The following MIGA1 variants were observed in gnomAD, a reference collection of about 807,000 sequenced individuals.
The protein encoded by MIGA1 is family with sequence similarity 73, member A.
A neutral mutation model predicts 82.0 loss-of-function variants in MIGA1; 58 were observed. That is an observed-to-expected ratio of 0.71 (90% CI 0.57 to 0.88). The LOEUF is 0.88. MIGA1 is among the 40% of genes least tolerant of loss of function. MIGA1 has a pLI of 0.00. For missense variants in MIGA1, 751 were observed against 749.1 expected (o/e 1.00, Z -0.03); for synonymous variants, 249 against 253.6 (o/e 0.98, Z 0.17).
intron 5 of MIGA1, 33 bp from the exon 6 acceptor site, chr1:77,813,701 C>T (rs1306122486): frequency 1.2e-6 from 2 of 1,602,290 alleles, no homozygotes; most frequent in African/African-American, 1.3e-5. Context: ...ATTGATTTTG[C>T]TCAGTTAAAA....
At position 77,811,334 on chromosome 1, in the gene MIGA1, C is replaced by G; in HGVS notation, c.638-2400C>G. On this transcript the variant is annotated intron_variant, in intron 5 of 15. Transcript: ENST00000370791. Reference sequence around the variant, plus strand: ...GGTAATAAAGTACCGGGAACTCTAGCAGGAAAAGAATCAGGAGACCCTGCT... The same window carrying G: ...GGTAATAAAGTACCGGGAACTCTAGGAGGAAAAGAATCAGGAGACCCTGCT... 1.9e-6 allele frequency: 3 copies of G among 1,606,764 alleles called. No individual in the cohort carries two copies. The East Asian group carries it at 6.7e-5, about 36-fold the overall frequency.
In MIGA1 at chr1:77,791,987, C is replaced by A. The variant is rs553557062; in HGVS notation, c.195+8636C>A. Among the ~76,000 whole-genome samples the A allele has an allele frequency of 4.1e-3, 618 of 152,256 alleles. 2 individuals carry two copies. Among genetic ancestry groups the A allele is most frequent in the Non-Finnish European group, 6.7e-3 (456 of 68,024 alleles). On this transcript the variant is annotated intron_variant, in intron 2 of 15. Coordinates refer to ENST00000370791, the MANE Select transcript of MIGA1 (RefSeq NM_198549.4). ...TCACCAGCATTTGGTATTGTCACTTCAAAATAATTATTTTAGATGTTCTAA... is the reference window on the plus strand; with the variant it reads ...TCACCAGCATTTGGTATTGTCACTTAAAAATAATTATTTTAGATGTTCTAA...
chr1:77,791,548 T>C (rs944176360), intron 2 of MIGA1, among the ~76,000 whole-genome samples: 1 of 147,620 alleles, frequency 6.8e-6, no homozygotes, highest in Non-Finnish European at 1.5e-5. Context: ...TGCTCAGAAG[T>C]AGATATTTAA....
chr1:77,806,264 A>G (rs369491786), intron 4 of MIGA1, among the ~76,000 whole-genome samples: 1 of 152,192 alleles, frequency 6.6e-6, no homozygotes, highest in South Asian at 2.1e-4. Context: ...AACATATCTG[A>G]ACATAGAAAA....
intron 2 of MIGA1, among the ~76,000 whole-genome samples, chr1:77,784,212 AATTT>A (rs1201149543): frequency 3.9e-5 from 6 of 151,960 alleles, no homozygotes; most frequent in African/African-American, 9.7e-5. Context: ...CTTTTAATTA[AATTT>A]ATTTATTTAT....
At chr1:77,823,202 T>A (rs867060911) in intron 7 of MIGA1, among the ~76,000 whole-genome samples, 14 of 152,210 alleles carry the variant, frequency 9.2e-5, no homozygotes, top group Admixed American at 7.9e-4. Context: ...AAATAAATGA[T>A]GTCTATTCTC....
chr1:77,793,560 A>G (rs905695650), intron 2 of MIGA1, among the ~76,000 whole-genome samples: 1 of 151,786 alleles, frequency 6.6e-6, no homozygotes, highest in African/African-American at 2.4e-5. Flanking sequence ...CCCAGGCTCA[A>G]GTGATTCTCA....
At position 77,859,351 on chromosome 1, in the gene MIGA1, C is replaced by G; in HGVS notation, c.1153C>G (p.Leu385Val). ...GGAGTGCCTAGGAGACAGTGATTTT[C>G]TTGCCAAACTTCACTGTATTCGACA... The change falls in exon 10 of 16, where the codon CTT (leucine) becomes GTT (valine). Residue 385 changes from leucine to valine, a missense_variant. Physicochemically the swap from Leu to Val is conservative, Grantham distance 32. Coordinates refer to ENST00000370791, the MANE Select transcript of MIGA1 (RefSeq NM_198549.4). 1.2e-6 allele frequency: 2 copies of G among 1,613,842 alleles called. No individual in the cohort carries two copies. Among genetic ancestry groups the G allele is most frequent in the Non-Finnish European group, 1.7e-6 (2 of 1,179,806 alleles).
intron 14 of MIGA1, among the ~76,000 whole-genome samples, chr1:77,869,884 C>CCCGGACGGGGCGGCTGG (rs1685863336): frequency 8.1e-6 from 1 of 123,518 alleles, no homozygotes; most frequent in African/African-American, 3.2e-5. Context: ...CCACCTCCCT[C>CCCGGACGGGGCGGCTGG]CCGGACGGGG....
At chr1:77,800,127 A>C (rs1480449711) in intron 2 of MIGA1, among the ~76,000 whole-genome samples, 1 of 152,138 alleles carries the variant, frequency 6.6e-6, no homozygotes, top group African/African-American at 2.4e-5. Flanking sequence ...CATGCCCTCC[A>C]CAGAAGCTGC....
In MIGA1 at chr1:77,869,986, G is replaced by A. The variant is rs538594581; in HGVS notation, c.1564-3018G>A. ...GGGCTGACCCCCCCACCTCCCTCCC[G>A]GATGGGGCGACTGGCCGGGCAGAGG... On this transcript the variant is annotated intron_variant, in intron 14 of 15. Coordinates refer to ENST00000370791, the MANE Select transcript of MIGA1 (RefSeq NM_198549.4). 1.7e-3 allele frequency among the ~76,000 whole-genome samples: 230 copies of A among 137,390 alleles called. 2 individuals are homozygous for A. Among genetic ancestry groups the A allele is most frequent in the East Asian group, 3.7e-3 (16 of 4,362 alleles). The allele number at this position is 137,390 out of a possible 152,430, so 90.1% of individuals were successfully genotyped here.
intron 7 of MIGA1, among the ~76,000 whole-genome samples, chr1:77,816,348 G>T (rs971600447): frequency 1.3e-5 from 2 of 152,088 alleles, no homozygotes; most frequent in Non-Finnish European, 2.9e-5. Context: ...AAATTACATG[G>T]TTTTTTTGGT....
intron 7 of MIGA1, among the ~76,000 whole-genome samples, chr1:77,826,460 C>T (rs1684030557): frequency 6.6e-6 from 1 of 152,098 alleles, no homozygotes; most frequent in African/African-American, 2.4e-5. Context: ...CTCTTGCTGG[C>T]ATATCCTATT....
At chr1:77,784,088 T>A (rs931779221) in intron 2 of MIGA1, among the ~76,000 whole-genome samples, 1 of 152,314 alleles carries the variant, frequency 6.6e-6, no homozygotes, top group South Asian at 2.1e-4. Context: ...TGCGTCCATG[T>A]TTTTGCTATT....
chr1:77,833,290 A>T (rs988052496), intron 7 of MIGA1, among the ~76,000 whole-genome samples: 8 of 152,240 alleles, frequency 5.3e-5, no homozygotes, highest in Non-Finnish European at 1.2e-4. Context: ...TACACATTGT[A>T]CAACATATGA....
At chr1:77,868,952 T>TA (rs1685784601) in intron 14 of MIGA1, among the ~76,000 whole-genome samples, 1 of 149,492 alleles carries the variant, frequency 6.7e-6, no homozygotes, top group African/African-American at 2.5e-5. Context: ...TTTTTTTTTT[T>TA]ATTGATCATT....
intron 7 of MIGA1, among the ~76,000 whole-genome samples, chr1:77,832,689 C>T (rs962014422): frequency 2.0e-5 from 3 of 152,054 alleles, no homozygotes; most frequent in African/African-American, 7.2e-5. Flanking sequence ...TTTGGAAACA[C>T]AATATAGGTG....
intron 2 of MIGA1, among the ~76,000 whole-genome samples, chr1:77,789,988 G>T (rs912292978): frequency 6.6e-6 from 1 of 152,136 alleles, no homozygotes; most frequent in African/African-American, 2.4e-5. Context: ...GGTTGGTACA[G>T]CTTATTTTTA....
intron 7 of MIGA1, among the ~76,000 whole-genome samples, chr1:77,835,965 GAAAA>G (rs754699012): frequency 6.6e-6 from 1 of 151,620 alleles, no homozygotes; most frequent in Non-Finnish European, 1.5e-5. Flanking sequence ...AGAAAAAAAA[GAAAA>G]AAAGAAAGAA....
Sources: allele counts gnomAD v4.1 joint callset (sites outside exome capture counted in the v4.1 genomes callset), GRCh38; gene constraint gnomAD v4.1.1; transcripts MANE v1.5; gene names NCBI Gene and HGNC (gene_info 2026-07-23, HGNC 2026-07-21).